ANKH: variants seen among roughly 807,000 people sequenced by gnomAD.
The protein encoded by ANKH is ANKH inorganic pyrophosphate transport regulator, also known as mineralization regulator ANKH.
Under a neutral mutation model 49.0 loss-of-function variants are expected in ANKH, and 15 were observed. The observed-to-expected ratio is 0.31, with a 90% confidence interval of 0.20 to 0.47. ANKH has a LOEUF of 0.47. Ranked by LOEUF, ANKH falls within the 20% of genes least tolerant of loss-of-function variation. The pLI is 1.00. For synonymous variants in ANKH, 273 were observed against 260.0 expected, an observed-to-expected ratio of 1.05 and a Z score of -0.48; for missense variants, 429 against 652.0, an observed-to-expected ratio of 0.66 and a Z score of 3.72.
intron 1 of ANKH, among the ~76,000 whole-genome samples, chr5:14,805,341 G>A (rs922784232): frequency 1.1e-4 from 16 of 150,978 alleles, no homozygotes; most frequent in South Asian, 2.1e-4. Flanking sequence ...CTTTGTGATC[G>A]TGTAAGTTAA....
intron 1 of ANKH, among the ~76,000 whole-genome samples, chr5:14,789,587 T>C (rs960386873): frequency 2.6e-5 from 4 of 152,240 alleles, no homozygotes; most frequent in African/African-American, 9.6e-5. Context: ...TTTCTTTCTA[T>C]TTTATTGAGA....
chr5:14,852,037 T>G (rs929546564), intron 1 of ANKH, among the ~76,000 whole-genome samples: 2 of 152,224 alleles, frequency 1.3e-5, no homozygotes, highest in Admixed American at 6.5e-5. Context: ...ATTCCAGCAC[T>G]TTCAGAGGCT....
At chr5:14,777,814 T>C (rs1456711662) in intron 1 of ANKH, among the ~76,000 whole-genome samples, 1 of 152,184 alleles carries the variant, frequency 6.6e-6, no homozygotes, top group African/African-American at 2.4e-5. Flanking sequence ...GAAGCACTGA[T>C]GTGTAGACAG....
intron 1 of ANKH, among the ~76,000 whole-genome samples, chr5:14,867,647 C>A (rs1343805944): frequency 6.6e-6 from 1 of 152,084 alleles, no homozygotes; most frequent in Admixed American, 6.5e-5. Context: ...GCAAGCTCCG[C>A]TTCCCGGGTT....
chr5:14,799,658 G>A (rs531665848), intron 1 of ANKH, among the ~76,000 whole-genome samples: 17 of 152,160 alleles, frequency 1.1e-4, no homozygotes, highest in Non-Finnish European at 2.2e-4. Flanking sequence ...TATACAGCAT[G>A]GCTTACTGAA....
chr5:14,824,839 C>A (rs1416082733), intron 1 of ANKH, among the ~76,000 whole-genome samples: 1 of 152,126 alleles, frequency 6.6e-6, no homozygotes, highest in African/African-American at 2.4e-5. Context: ...TGGTTACACG[C>A]CCCAAAAGGT....
intron 1 of ANKH, chr5:14,797,203 G>A: frequency 7.5e-7 from 1 of 1,328,046 alleles, no homozygotes. Flanking sequence ...TGCCACACTT[G>A]CATGATATTG....
chr5:14,726,873 G>A (rs901152504), intron 8 of ANKH, among the ~76,000 whole-genome samples: 2 of 152,258 alleles, frequency 1.3e-5, no homozygotes, highest in Non-Finnish European at 2.9e-5. Context: ...CAGAAGGAAT[G>A]GGCTCTTGGG....
At chr5:14,738,902 T>A (rs116455602) in intron 8 of ANKH, among the ~76,000 whole-genome samples, 1 of 152,204 alleles carries the variant, frequency 6.6e-6, no homozygotes, top group Non-Finnish European at 1.5e-5. Context: ...CGGTGTCTCA[T>A]AATTAAGGAT....
chr5:14,819,691 C>T (rs746569889), intron 1 of ANKH, among the ~76,000 whole-genome samples: 1 of 152,096 alleles, frequency 6.6e-6, no homozygotes, highest in African/African-American at 2.4e-5. Context: ...CAAGGCAAAA[C>T]CCCGTCTCTA....
chr5:14,761,579 TCTCA>T (rs1279879264), intron 2 of ANKH, among the ~76,000 whole-genome samples: 2 of 151,444 alleles, frequency 1.3e-5, no homozygotes, highest in African/African-American at 2.4e-5. Context: ...AGCAGTCACA[TCTCA>T]CTCCCACCTT....
chr5:14,724,571 C>T (rs962666374), intron 8 of ANKH: 8 of 985,220 alleles, frequency 8.1e-6, no homozygotes, highest in Non-Finnish European at 9.6e-6. Context: ...TGCTACAGTC[C>T]GAAACAGAGC....
chr5:14,809,636 G>A (rs1050807383), intron 1 of ANKH, among the ~76,000 whole-genome samples: 1 of 152,190 alleles, frequency 6.6e-6, no homozygotes, highest in South Asian at 2.1e-4. Context: ...GACATAAACT[G>A]TTCATGGGAT....
intron 1 of ANKH, among the ~76,000 whole-genome samples, chr5:14,771,937 A>AAAAAAAAAC: frequency 7.1e-6 from 1 of 140,386 alleles, no homozygotes; most frequent in Non-Finnish European, 1.5e-5. Flanking sequence ...AAAAAAAAAA[A>AAAAAAAAAC]AAAAAAAAAA....
At chr5:14,858,730 T>TAAAC (rs1460266888) in intron 1 of ANKH, among the ~76,000 whole-genome samples, 2 of 95,912 alleles carry the variant, frequency 2.1e-5, no homozygotes, top group African/African-American at 7.8e-5. Flanking sequence ...AATAAATAAA[T>TAAAC]AAATAAATAA....
chr5:14,764,077 A>AAAATAAATAAATAAATAAATAAAT (rs144437805), intron 2 of ANKH, among the ~76,000 whole-genome samples: 74 of 146,960 alleles, frequency 5.0e-4, no homozygotes, highest in African/African-American at 1.6e-3. Flanking sequence ...GACAGAACGG[A>AAAATAAATAAATAAATAAATAAAT]AAATAAATAA....
chr5:14,786,104 C>T (rs974980091), intron 1 of ANKH, among the ~76,000 whole-genome samples: 4 of 139,230 alleles, frequency 2.9e-5, no homozygotes, highest in Non-Finnish European at 4.7e-5. Context: ...AAAAAAATAA[C>T]GTCTATTTTC....
chr5:14,843,691 G>T (rs1029548253), intron 1 of ANKH, among the ~76,000 whole-genome samples: 1 of 152,020 alleles, frequency 6.6e-6, no homozygotes, highest in Non-Finnish European at 1.5e-5. Context: ...CTTAACATGC[G>T]TTTCTCTCCT....
chr5:14,765,828 G>A (rs1404082829), intron 2 of ANKH, among the ~76,000 whole-genome samples: 2 of 152,194 alleles, frequency 1.3e-5, no homozygotes, highest in African/African-American at 2.4e-5. Context: ...TAGTGAAAGT[G>A]AGAAGCTACA....
Sources: gnomAD v4.1 joint callset for allele counts (sites outside exome capture counted in the v4.1 genomes callset) on GRCh38, gnomAD v4.1.1 for gene constraint, MANE v1.5 for transcripts, NCBI Gene and HGNC (gene_info 2026-07-23, HGNC 2026-07-21) for gene names.